The following GABRG3 variants were observed in gnomAD, a reference collection of about 807,000 sequenced individuals.
GABRG3 encodes gamma-aminobutyric acid receptor subunit gamma-3.
Under a neutral mutation model 48.8 loss-of-function variants are expected in GABRG3, and 25 were observed. The observed-to-expected ratio is 0.51, with a 90% CI of 0.37 to 0.72. The LOEUF is 0.72. Among genes scored for constraint, GABRG3 ranks in the 30% least tolerant of loss-of-function variants. The pLI is 0.00. For synonymous variants in GABRG3, 227 were observed against 217.6 expected (o/e 1.04, Z -0.38); for missense variants, 394 against 577.9 (o/e 0.68, Z 3.26).
At chr15:27,007,769 T>C (rs1461801810) in intron 2 of GABRG3, among the ~76,000 whole-genome samples, 1 of 152,220 alleles carries the variant, frequency 6.6e-6, no homozygotes, top group African/African-American at 2.4e-5. Context: ...TGTTTTTTGC[T>C]TGCTGGTTTG....
chr15:27,277,660 C>T (rs191994126), intron 3 of GABRG3, among the ~76,000 whole-genome samples: 19 of 152,246 alleles, frequency 1.2e-4, no homozygotes, highest in African/African-American at 3.8e-4. Flanking sequence ...TTTTTCTCTA[C>T]TTTTTCTCCT....
At chr15:27,020,516 A>G (rs1023745705) in intron 2 of GABRG3, among the ~76,000 whole-genome samples, 2 of 151,688 alleles carry the variant, frequency 1.3e-5, no homozygotes, top group Non-Finnish European at 2.9e-5. Context: ...GGTTCACGCC[A>G]TTCTCCTGCC....
intron 6 of GABRG3, among the ~76,000 whole-genome samples, chr15:27,486,939 G>A (rs1890234923): frequency 6.6e-6 from 1 of 152,134 alleles, no homozygotes; most frequent in South Asian, 2.1e-4. Context: ...TTTATATCTT[G>A]AATGCAAATA....
intron 3 of GABRG3, among the ~76,000 whole-genome samples, chr15:27,207,401 C>G (rs1888889063): frequency 6.6e-6 from 1 of 152,204 alleles, no homozygotes; most frequent in Non-Finnish European, 1.5e-5. Context: ...GCAGTGGATT[C>G]CGAACTCAAG....
rs1025395751 is a variant in GABRG3 at position 27,541,892 on chromosome 15, A to G, written c.*9011A>G. ...TGCGTCCCGTCCCCGCCGTGCCCTC[A>G]GCTGGGCCTCGTGGCTGGGCCGCCC... On this transcript the variant is annotated 3_prime_UTR_variant, in exon 10 of 10. Transcript: ENST00000615808. 2.6e-5 allele frequency: 4 copies of G among 152,282 alleles called. No homozygotes were observed. Among genetic ancestry groups the G allele is most frequent in the African/African-American group, 9.6e-5 (4 of 41,458 alleles). The allele number at this position is 152,282 out of a possible 1,614,324, so 9.4% of individuals were successfully genotyped here.
intron 5 of GABRG3, among the ~76,000 whole-genome samples, chr15:27,362,142 A>T (rs1260672735): frequency 6.6e-6 from 1 of 152,196 alleles, no homozygotes; most frequent in African/African-American, 2.4e-5. Context: ...TGTTCTCCCA[A>T]GCTATTGAAT....
At chr15:27,027,769 G>A (rs1896010045) in intron 3 of GABRG3, among the ~76,000 whole-genome samples, 1 of 152,194 alleles carries the variant, frequency 6.6e-6, no homozygotes, top group African/African-American at 2.4e-5. Flanking sequence ...CACAACCTAT[G>A]TGCTGCAGAT....
chr15:27,175,859 A>G (rs780102568), intron 3 of GABRG3, among the ~76,000 whole-genome samples: 43 of 152,152 alleles, frequency 2.8e-4, no homozygotes, highest in African/African-American at 7.0e-4. Flanking sequence ...GAAAAGAGAC[A>G]TTGTTCCTTC....
chr15:27,078,638 G>A (rs771101657), intron 3 of GABRG3, among the ~76,000 whole-genome samples: 4 of 152,160 alleles, frequency 2.6e-5, no homozygotes, highest in Admixed American at 2.0e-4. Flanking sequence ...ACTGGTCACC[G>A]CCCAGGGGCT....
chr15:27,334,689 G>A (rs972887877), intron 5 of GABRG3, among the ~76,000 whole-genome samples: 4 of 148,366 alleles, frequency 2.7e-5, no homozygotes, highest in African/African-American at 7.9e-5. Context: ...CTGAAGTTCG[G>A]TTGGATGTCT....
Position 27,451,613 on chromosome 15 carries a change from A to G in GABRG3, c.575-29037A>G, listed in dbSNP as rs147831216. Among the ~76,000 whole-genome samples the G allele has an allele frequency of 3.7e-3, 561 of 152,316 alleles. 4 individuals carry two copies. Among genetic ancestry groups the G allele is most frequent in the Middle Eastern group, 0.01 (3 of 294 alleles). Reference sequence around the variant, plus strand: ...GAAGAAAACATATGGGGAAAACTCAATGACATTAATCTGTGTGATAATGTT... The same window carrying G: ...GAAGAAAACATATGGGGAAAACTCAGTGACATTAATCTGTGTGATAATGTT... On this transcript the variant is annotated intron_variant, in intron 5 of 9. Coordinates refer to ENST00000615808, the MANE Select transcript of GABRG3 (RefSeq NM_033223.5).
chr15:27,306,632 A>C (rs1350972178), intron 3 of GABRG3, among the ~76,000 whole-genome samples: 4 of 119,990 alleles, frequency 3.3e-5, no homozygotes, highest in East Asian at 2.3e-4. Context: ...TAATATAAAC[A>C]TATATTTATA....
intron 5 of GABRG3, among the ~76,000 whole-genome samples, chr15:27,392,009 A>T (rs2140577324): frequency 6.6e-6 from 1 of 152,348 alleles, no homozygotes; most frequent in African/African-American, 2.4e-5. Context: ...CTTTGCTGTG[A>T]CATATACCAC....
chr15:27,532,589 G>T lies in GABRG3; in HGVS notation c.1123-11G>T. On this transcript the variant is annotated splice_polypyrimidine_tract_variant and intron_variant, in intron 9 of 9. Coordinates refer to ENST00000615808, the MANE Select transcript of GABRG3 (RefSeq NM_033223.5). ...TTACAATGGTTGTTGTGTCATTTTT[G>T]TTGCTTGCAGAACTATTCCCTCCTG... 3 of 1,610,438 alleles carry T rather than the reference G, an allele frequency of 1.9e-6. No individual in the cohort carries two copies. The highest frequency in any genetic ancestry group is 1.7e-5 in the Admixed American group (1 of 59,624).
At chr15:27,394,695 G>A (rs780791507) in intron 5 of GABRG3, among the ~76,000 whole-genome samples, 16 of 152,162 alleles carry the variant, frequency 1.1e-4, no homozygotes, top group African/African-American at 2.6e-4. Flanking sequence ...TTTTGCCTTC[G>A]TTTTGGAAGG....
chr15:27,304,424 A>T, intron 3 of GABRG3, among the ~76,000 whole-genome samples: 1 of 152,106 alleles, frequency 6.6e-6, no homozygotes, highest in East Asian at 1.9e-4. Flanking sequence ...AAATCAATTT[A>T]TTATCTTATA....
chr15:27,061,594 G>C (rs1345291105), intron 3 of GABRG3, among the ~76,000 whole-genome samples: 1 of 151,956 alleles, frequency 6.6e-6, no homozygotes, highest in South Asian at 2.1e-4. Flanking sequence ...CCGCATGCCA[G>C]TCACAAGCAG....
chr15:27,225,269 C>G (rs1342681038), intron 3 of GABRG3, among the ~76,000 whole-genome samples: 1 of 152,064 alleles, frequency 6.6e-6, no homozygotes, highest in Non-Finnish European at 1.5e-5. Flanking sequence ...TGCCCATAAA[C>G]TAAAGCACAG....
At chr15:27,156,760 C>G (rs765587296) in intron 3 of GABRG3, among the ~76,000 whole-genome samples, 5 of 152,208 alleles carry the variant, frequency 3.3e-5, no homozygotes, top group Non-Finnish European at 5.9e-5. Context: ...AGCTTTTACT[C>G]TGAAGGTGAT....
Sources: allele counts gnomAD v4.1 joint callset (sites outside exome capture counted in the v4.1 genomes callset), GRCh38; gene constraint gnomAD v4.1.1; transcripts MANE v1.5; gene names NCBI Gene and HGNC (gene_info 2026-07-23, HGNC 2026-07-21).